Variants in MYO1E observed in about 807,000 individuals in gnomAD.
MYO1E encodes the protein unconventional myosin-Ie.
MYO1E carries 68 observed loss-of-function variants against 151.1 expected under a neutral mutation model. The observed-to-expected ratio is 0.45, with a 90% CI of 0.37 to 0.55. MYO1E has a LOEUF of 0.55. Ranked by LOEUF, MYO1E falls within the 20% of genes least tolerant of loss-of-function variation. The pLI, the probability that MYO1E is intolerant of heterozygous loss-of-function variation, is 0.00. For missense variants in MYO1E, 1,363 were observed against 1,389.3 expected (o/e 0.98, Z 0.30); for synonymous variants, 601 against 501.7 (o/e 1.20, Z -2.64).
chr15:59,165,064 C>A (rs1304450017), intron 22 of MYO1E, among the ~76,000 whole-genome samples: 1 of 152,248 alleles, frequency 6.6e-6, no homozygotes, highest in African/African-American at 2.4e-5. Context: ...GACACCACAT[C>A]TGCCTGCACC....
intron 1 of MYO1E, among the ~76,000 whole-genome samples, chr15:59,279,827 C>G (rs531050374): frequency 1.3e-5 from 2 of 152,296 alleles, no homozygotes; most frequent in South Asian, 4.1e-4. Context: ...TTTGATTGAA[C>G]GTATGATAGT....
chr15:59,218,213 C>T (rs1380360209), intron 9 of MYO1E, 126 bp from the exon 10 acceptor site: 1 of 1,120,022 alleles, frequency 8.9e-7, no homozygotes, highest in African/African-American at 1.5e-5. Context: ...CAATCACGGG[C>T]CCCAAGAGCT....
chr15:59,362,405 C>T (rs16941369), intron 1 of MYO1E, among the ~76,000 whole-genome samples: 27,700 of 152,056 alleles, frequency 0.18, 3,114 homozygotes, highest in African/African-American at 0.3. Context: ...TCGTGATCTG[C>T]GGAATGTTTA....
chr15:59,300,287 C>T (rs570412842), intron 1 of MYO1E, among the ~76,000 whole-genome samples: 1 of 148,158 alleles, frequency 6.7e-6, no homozygotes, highest in East Asian at 1.9e-4. Flanking sequence ...CTCTGCCTGC[C>T]CAGCACGCGC....
chr15:59,224,921 C>T (rs2079980171), intron 7 of MYO1E, 98 bp from the exon 8 acceptor site: 1 of 1,525,544 alleles, frequency 6.6e-7, no homozygotes, highest in African/African-American at 1.4e-5. Context: ...GACTTTCTAT[C>T]TCTGCTTTCT....
chr15:59,250,337 G>A (rs1000165123), intron 4 of MYO1E, among the ~76,000 whole-genome samples: 1 of 152,196 alleles, frequency 6.6e-6, no homozygotes, highest in South Asian at 2.1e-4. Context: ...AGGTGGGCCA[G>A]GCAGGCGGTG....
In MYO1E at chr15:59,161,107, C is replaced by G. The variant is rs1189812301; in HGVS notation, c.2751G>C (p.Gln917His). Reference protein sequence around the residue: ...AVLKPSNKVLQVSIGPGLPKN... With the variant: ...AVLKPSNKVLHVSIGPGLPKN... ...TGGGCAGTCCAGGTCCGATGCTGAC[C>G]TGCAGCACTTTGTTACTGGGCTTGA... is the stretch of plus-strand genomic sequence containing the variant. The change falls in exon 24 of 28, where the codon CAG becomes CAC. Residue 917 changes from glutamine to histidine, a missense_variant. Coordinates refer to ENST00000288235, the MANE Select transcript of MYO1E (RefSeq NM_004998.4). The G allele has an allele frequency of 1.2e-6, 2 of 1,613,972 alleles. No homozygotes were observed. Among genetic ancestry groups the G allele is most frequent in the Non-Finnish European group, 1.7e-6 (2 of 1,180,030 alleles).
rs115398072 is a variant in MYO1E, at chr15:59,159,419, G to T, written c.2786-1040C>A. Among the ~76,000 whole-genome samples the T allele has an allele frequency of 0.014, 2,133 of 152,334 alleles. 34 individuals carry two copies. Among genetic ancestry groups the T allele is most frequent in the African/African-American group, 0.043 (1,787 of 41,568 alleles). On this transcript the variant is annotated intron_variant, in intron 24 of 27. Coordinates refer to ENST00000288235, the MANE Select transcript of MYO1E (RefSeq NM_004998.4). This position sits in a 1 kb window ranked among gnomAD's most constrained non-coding sequence, Gnocchi z 4.4. ...GAGTCCTGTGGACAGCCAGGCCTCT[G>T]CCTTCCAGTGGGGTGAGGCCTATAG...
intron 5 of MYO1E, among the ~76,000 whole-genome samples, chr15:59,235,487 C>CT (rs1447945101): frequency 6.6e-6 from 1 of 152,230 alleles, no homozygotes; most frequent in Non-Finnish European, 1.5e-5. Flanking sequence ...AGACCATTCT[C>CT]TATCAGTACA....
chr15:59,284,135 T>TG (rs779430310), intron 1 of MYO1E, among the ~76,000 whole-genome samples: 22 of 152,206 alleles, frequency 1.4e-4, no homozygotes, highest in Non-Finnish European at 2.5e-4. Context: ...ACCAGGGTGG[T>TG]GCCTGGGGCA....
At chr15:59,215,225 T>G (rs776631797) in intron 10 of MYO1E, among the ~76,000 whole-genome samples, 1 of 152,152 alleles carries the variant, frequency 6.6e-6, no homozygotes, top group African/African-American at 2.4e-5. Flanking sequence ...ATAGTAACAA[T>G]AGTCATTATT....
chr15:59,202,414 A>C lies in MYO1E; in HGVS notation c.1617-7T>G. 3 of 1,612,270 alleles carry C rather than the reference A, an allele frequency of 1.9e-6. No individual in the cohort carries two copies. The highest frequency in any genetic ancestry group is 2.5e-6 in the Non-Finnish European group (3 of 1,178,364). ...TAAAGACTTTATGAAAGGCCTGGAA[A>C]AGGAGAAAGAGAATGAATTAACAAT... On this transcript the variant is annotated splice_region_variant and splice_polypyrimidine_tract_variant and intron_variant, in intron 15 of 27. Transcript: ENST00000288235.
intron 1 of MYO1E, among the ~76,000 whole-genome samples, chr15:59,328,995 C>T (rs2080683163): frequency 6.6e-6 from 1 of 152,192 alleles, no homozygotes; most frequent in African/African-American, 2.4e-5. Flanking sequence ...AGCATCCTAT[C>T]AATGACACCA....
chr15:59,195,198 TG>T (rs1442686211), intron 17 of MYO1E, among the ~76,000 whole-genome samples: 6 of 152,114 alleles, frequency 3.9e-5, no homozygotes, highest in Admixed American at 6.6e-5. Flanking sequence ...GGTTATGTTT[TG>T]TTTTTTTTCC....
At chr15:59,276,216 T>G (rs1236234910) in intron 1 of MYO1E, among the ~76,000 whole-genome samples, 1 of 152,168 alleles carries the variant, frequency 6.6e-6, no homozygotes, top group Non-Finnish European at 1.5e-5. Context: ...TCCTCATCAG[T>G]GTGAGGGCAG....
chr15:59,208,068 G>A, intron 14 of MYO1E: 1 of 1,581,434 alleles, frequency 6.3e-7, no homozygotes, highest in Non-Finnish European at 8.5e-7. Context: ...GGGAAATTCA[G>A]AATAAGCTTA....
intron 14 of MYO1E, chr15:59,208,471 A>T: frequency 1.6e-6 from 1 of 638,690 alleles, no homozygotes; most frequent in Non-Finnish European, 2.8e-6. Flanking sequence ...GTAAAAAAGT[A>T]GTAGCTTCTT....
At chr15:59,234,297 G>A (rs545230725) in intron 5 of MYO1E, among the ~76,000 whole-genome samples, 2 of 151,992 alleles carry the variant, frequency 1.3e-5, no homozygotes, top group East Asian at 3.9e-4. Flanking sequence ...TGGATGGATG[G>A]ATGGATCCAT....
At chr15:59,210,626 C>A in intron 12 of MYO1E, 26 bp from the exon 13 acceptor site, 1 of 1,489,052 alleles carries the variant, frequency 6.7e-7, no homozygotes, top group Non-Finnish European at 9.4e-7. Flanking sequence ...AAGGAACTCA[C>A]ATTATTTCCC....
Sources: allele counts gnomAD v4.1 joint callset (sites outside exome capture counted in the v4.1 genomes callset), GRCh38; gene constraint gnomAD v4.1.1; non-coding constraint Gnocchi (gnomAD v3.1); transcripts MANE v1.5; gene names NCBI Gene and HGNC (gene_info 2026-07-23, HGNC 2026-07-21).